The following KANK1 variants were observed in gnomAD, a reference collection of about 807,000 sequenced individuals.
The protein encoded by KANK1 is KN motif and ankyrin repeat domain-containing protein 1.
KANK1 carries 109 observed loss-of-function variants against 106.2 expected under a neutral mutation model. That is an observed-to-expected ratio of 1.03 (90% CI 0.88 to 1.20). KANK1 has a LOEUF of 1.20. Among genes scored for constraint, KANK1 ranks in the 50% most tolerant of loss-of-function variants. The pLI, the probability that KANK1 is intolerant of heterozygous loss-of-function variation, is 0.00. For synonymous variants in KANK1, 873 were observed against 652.2 expected, an observed-to-expected ratio of 1.34 and a Z score of -5.16; for missense variants, 2,399 against 1,710.7, an observed-to-expected ratio of 1.40 and a Z score of -7.10.
chr9:647,569 G>A (rs1428081366), intron 1 of KANK1, among the ~76,000 whole-genome samples: 1 of 150,360 alleles, frequency 6.7e-6, no homozygotes, highest in Non-Finnish European at 1.5e-5. Flanking sequence ...TCTTTTTTAA[G>A]TTTCACTTTG....
chr9:520,244 G>T (rs1282723906), intron 1 of KANK1, among the ~76,000 whole-genome samples: 4 of 151,786 alleles, frequency 2.6e-5, no homozygotes, highest in Non-Finnish European at 5.9e-5. Context: ...AGGTGGAGGT[G>T]GGAGGATCAC....
At chr9:644,733 T>A (rs1357240813) in intron 1 of KANK1, among the ~76,000 whole-genome samples, 2 of 150,998 alleles carry the variant, frequency 1.3e-5, no homozygotes, top group East Asian at 1.9e-4. Flanking sequence ...AACATGAGAC[T>A]TGATGGGGAC....
chr9:729,247 A>C (rs1831562916), intron 3 of KANK1, among the ~76,000 whole-genome samples: 2 of 152,238 alleles, frequency 1.3e-5, no homozygotes, highest in Non-Finnish European at 2.9e-5. Flanking sequence ...CAAAATATTT[A>C]CCATCTACAA....
rs533516544 is a variant in KANK1 at position 575,772 on chromosome 9, A to T, written c.-84+71018A>T. ...CACAGTGGCTCATGCCTGTAATCCC[A>T]GCACTTTGGGAGGCCAAGGCGGGCC... is the stretch of plus-strand genomic sequence containing the variant. On this transcript the variant is annotated intron_variant, in intron 1 of 11. Coordinates refer to ENST00000382297, the MANE Select transcript of KANK1 (RefSeq NM_015158.5). Among the ~76,000 whole-genome samples, 3 of 152,380 alleles carry T rather than the reference A, an allele frequency of 2.0e-5. No individual in the cohort carries two copies. In the South Asian group the frequency reaches 6.2e-4, roughly 32 times the overall value.
chr9:488,046 C>G (rs889570897), intron 3 of KANK1, among the ~76,000 whole-genome samples: 11 of 152,214 alleles, frequency 7.2e-5, no homozygotes, highest in African/African-American at 2.4e-4. Flanking sequence ...CCCAAGCTCT[C>G]ATTTCTAGGT....
chr9:614,975 CAG>C (rs1342986988), intron 1 of KANK1, among the ~76,000 whole-genome samples: 1 of 150,654 alleles, frequency 6.6e-6, no homozygotes, highest in Non-Finnish European at 1.5e-5. Flanking sequence ...TTTTTTGAGA[CAG>C]GGTCTCAGGC....
At chr9:588,652 C>G (rs1049678054) in intron 1 of KANK1, among the ~76,000 whole-genome samples, 1 of 152,062 alleles carries the variant, frequency 6.6e-6, no homozygotes, top group African/African-American at 2.4e-5. Context: ...TATCTCTTGC[C>G]TCTAATGCTG....
chr9:486,780 ACT>A (rs1196262221), intron 3 of KANK1, among the ~76,000 whole-genome samples: 7 of 152,184 alleles, frequency 4.6e-5, no homozygotes, highest in African/African-American at 1.4e-4. Flanking sequence ...GTATTTTAAG[ACT>A]CTTCAATTAT....
At position 730,324 on chromosome 9, in the gene KANK1, T is replaced by C. The variant is rs530534333; in HGVS notation, c.2896+76T>C. 1.0e-4 allele frequency: 145 copies of C among 1,384,840 alleles called. No individual in the cohort carries two copies. In the African/African-American group the frequency reaches 1.7e-3, roughly 17 times the overall value. The allele number at this position is 1,384,840 out of a possible 1,614,324, so 85.8% of individuals were successfully genotyped here. ...TGCCAGCATTCCAATTTAATGTCAA[T>C]GTACCTTTTAAATTGACCTGGAAGA... On this transcript the variant is annotated intron_variant, in intron 4 of 11. Transcript: ENST00000382297.
intron 1 of KANK1, among the ~76,000 whole-genome samples, chr9:530,541 T>C (rs931947102): frequency 4.0e-4 from 61 of 152,212 alleles, no homozygotes; most frequent in African/African-American, 1.4e-3. Flanking sequence ...ACTTCTGTTG[T>C]GTTGCTCTGC....
At chr9:630,396 A>G (rs1052714246) in intron 1 of KANK1, among the ~76,000 whole-genome samples, 1 of 151,800 alleles carries the variant, frequency 6.6e-6, no homozygotes, top group Non-Finnish European at 1.5e-5. Context: ...TAAAAGTTCA[A>G]AAAAATTAGC....
At position 676,119 on chromosome 9, in the gene KANK1, A is replaced by G. The variant is rs151035107; in HGVS notation, c.-83-771A>G. Reference sequence around the variant, plus strand: ...GGGTTTTGGACGGCTTCTTTACCACAACCTGTTTTATCAGCAAGGTCTTTG... The same window carrying G: ...GGGTTTTGGACGGCTTCTTTACCACGACCTGTTTTATCAGCAAGGTCTTTG... On this transcript the variant is annotated intron_variant, in intron 1 of 11. Coordinates refer to ENST00000382297, the MANE Select transcript of KANK1 (RefSeq NM_015158.5). 5.2e-3 allele frequency among the ~76,000 whole-genome samples: 797 copies of G among 152,228 alleles called. 4 individuals are homozygous for G. Among genetic ancestry groups the G allele is most frequent in the African/African-American group, 0.018 (750 of 41,512 alleles).
intron 1 of KANK1, among the ~76,000 whole-genome samples, chr9:533,158 G>T (rs2060143289): frequency 6.6e-6 from 1 of 152,066 alleles, no homozygotes; most frequent in Non-Finnish European, 1.5e-5. Context: ...AACAAAGGTT[G>T]TTGAAAAAAG....
At chr9:489,474 A>C (rs1223064625) in intron 3 of KANK1, among the ~76,000 whole-genome samples, 2 of 152,230 alleles carry the variant, frequency 1.3e-5, no homozygotes, top group African/African-American at 4.8e-5. Flanking sequence ...TGGTTGCTGC[A>C]ACTTAAATAA....
intron 7 of KANK1, among the ~76,000 whole-genome samples, chr9:736,116 C>T (rs1207665676): frequency 1.3e-5 from 2 of 152,106 alleles, no homozygotes; most frequent in Admixed American, 6.5e-5. Context: ...CACCACAACG[C>T]CCGGCTAATT....
At chr9:509,707 A>G (rs773698313) in intron 1 of KANK1, among the ~76,000 whole-genome samples, 12 of 152,298 alleles carry the variant, frequency 7.9e-5, no homozygotes, top group South Asian at 4.1e-4. Context: ...TATTTCATAA[A>G]TTTGAGATTT....
chr9:588,752 G>A (rs961871602), intron 1 of KANK1, among the ~76,000 whole-genome samples: 1 of 152,094 alleles, frequency 6.6e-6, no homozygotes, highest in Non-Finnish European at 1.5e-5. Flanking sequence ...TGTAGAGTTA[G>A]ATGCCTGGGT....
chr9:588,921 A>G (rs559358688), intron 1 of KANK1, among the ~76,000 whole-genome samples: 36 of 152,350 alleles, frequency 2.4e-4, no homozygotes, highest in African/African-American at 7.0e-4. Context: ...CCCTGCTTAT[A>G]TGATTAAAAA....
At chr9:694,086 C>T (rs1204161087) in intron 2 of KANK1, among the ~76,000 whole-genome samples, 1 of 152,040 alleles carries the variant, frequency 6.6e-6, no homozygotes, top group Non-Finnish European at 1.5e-5. Flanking sequence ...GTTGCTAAAT[C>T]CATCTTTGGG....
Sources: gnomAD v4.1 joint callset for allele counts (sites outside exome capture counted in the v4.1 genomes callset) on GRCh38, gnomAD v4.1.1 for gene constraint, MANE v1.5 for transcripts, NCBI Gene and HGNC (gene_info 2026-07-23, HGNC 2026-07-21) for gene names.